Variants in TRIP13 observed in about 807,000 individuals in gnomAD.
TRIP13 encodes the protein pachytene checkpoint protein 2 homolog.
Under a neutral mutation model 54.4 loss-of-function variants are expected in TRIP13, and 25 were observed. The observed-to-expected ratio is 0.46, with a 90% CI of 0.33 to 0.64. The LOEUF (loss-of-function observed/expected upper bound fraction) is 0.64. Ranked by LOEUF, TRIP13 falls within the 30% of genes least tolerant of loss-of-function variation. TRIP13 has a pLI of 0.02. For synonymous variants in TRIP13, 207 were observed against 207.8 expected, an observed-to-expected ratio of 1.00 and a Z score of 0.03; for missense variants, 373 against 534.2, an observed-to-expected ratio of 0.70 and a Z score of 2.97.
chr5:908,137 C>G lies in TRIP13; in HGVS notation c.759+63C>G. 1 of 1,568,336 alleles carries G rather than the reference C, an allele frequency of 6.4e-7. No individual in the cohort carries two copies. The highest frequency in any genetic ancestry group is 8.8e-7 in the Non-Finnish European group (1 of 1,138,822). On this transcript the variant is annotated intron_variant, in intron 8 of 12. Transcript: ENST00000166345. This position sits in a 1 kb window ranked among gnomAD's most constrained non-coding sequence, Gnocchi z 5.2. ...GCCTTTTGCCATTGTGGGGACACAG[C>G]CTACTCCTGATGCTCCTAGCTTTCC...
chr5:907,871 G>T lies in TRIP13; in HGVS notation c.673-117G>T, dbSNP rs974355651. On this transcript the variant is annotated intron_variant, in intron 7 of 12. Transcript: ENST00000166345. This position sits in a 1 kb window ranked among gnomAD's most constrained non-coding sequence, Gnocchi z 4.1. ...GATTTAGGGAGCTTTCTGAGGGGCCGTCAGGAGACAGTGGGCTTGTGGGGA... is the reference window on the plus strand; with the variant it reads ...GATTTAGGGAGCTTTCTGAGGGGCCTTCAGGAGACAGTGGGCTTGTGGGGA... 4 of 1,017,424 alleles carry T rather than the reference G, an allele frequency of 3.9e-6. No homozygotes were observed. In the African/African-American group the frequency reaches 6.3e-5, roughly 16 times the overall value. The allele number at this position is 1,017,424 out of a possible 1,614,324, so 63.0% of individuals were successfully genotyped here.
rs1160231767 is a variant in TRIP13 at position 907,692 on chromosome 5, CAG to C, written c.673-291_673-290del. ...TCTGTGGTCTGCCTCTTTTCCTCAT[CAG>C]AGAGGACACACAGGTAAAGCAGAGG... On this transcript the variant is annotated intron_variant, in intron 7 of 12. Transcript: ENST00000166345. This position sits in a 1 kb window ranked among gnomAD's most constrained non-coding sequence, Gnocchi z 4.1. Among the ~76,000 whole-genome samples the C allele has an allele frequency of 1.3e-5, 2 of 152,230 alleles. No individual in the cohort carries two copies. The highest frequency in any genetic ancestry group is 4.8e-5 in the African/African-American group (2 of 41,454).
At chr5:903,779 AT>A (rs1325509467) in intron 5 of TRIP13, among the ~76,000 whole-genome samples, 1 of 152,162 alleles carries the variant, frequency 6.6e-6, no homozygotes, top group Non-Finnish European at 1.5e-5. Flanking sequence ...TGATGAGTGG[AT>A]TTCATAAAGG....
Position 892,931 on chromosome 5 carries a change from C to T in TRIP13, c.-68C>T. 3 of 1,364,210 alleles carry T rather than the reference C, an allele frequency of 2.2e-6. No homozygotes were observed. Among genetic ancestry groups the T allele is most frequent in the African/African-American group, 1.5e-5 (1 of 65,074 alleles). The allele number at this position is 1,364,210 out of a possible 1,614,324, so 84.5% of individuals were successfully genotyped here. ...CCGCGGGCTGAGGCAGCGGCTGTGGCGGCGACGCTGGGCGTGAGGTGGCGG... is the reference window on the plus strand; with the variant it reads ...CCGCGGGCTGAGGCAGCGGCTGTGGTGGCGACGCTGGGCGTGAGGTGGCGG... On this transcript the variant is annotated 5_prime_UTR_variant, in exon 1 of 13. Transcript: ENST00000166345.
At position 915,982 on chromosome 5, in the gene TRIP13, C is replaced by G; in HGVS notation, c.1203+9C>G. ...ATGCGCTGTATGTCCAGGTGAGTCTCCACTGCTGTCCTCCAGCACCCGCCC... is the reference window on the plus strand; with the variant it reads ...ATGCGCTGTATGTCCAGGTGAGTCTGCACTGCTGTCCTCCAGCACCCGCCC... On this transcript the variant is annotated intron_variant, in intron 12 of 12. Transcript: ENST00000166345. This position sits in a 1 kb window ranked among gnomAD's most constrained non-coding sequence, Gnocchi z 4.2. 1 of 1,613,896 alleles carries G rather than the reference C, an allele frequency of 6.2e-7. No homozygotes were observed. Among genetic ancestry groups the G allele is most frequent in the Non-Finnish European group, 8.5e-7 (1 of 1,179,820 alleles).
intron 9 of TRIP13, among the ~76,000 whole-genome samples, chr5:909,746 T>G (rs899881428): frequency 6.6e-6 from 1 of 152,240 alleles, no homozygotes; most frequent in Non-Finnish European, 1.5e-5. Flanking sequence ...TAACTAAAAG[T>G]ATCCCTTACG....
chr5:907,925 C>T lies in TRIP13; in HGVS notation c.673-63C>T. 6.4e-7 allele frequency: 1 copy of T among 1,552,192 alleles called. No individual in the cohort carries two copies. Among genetic ancestry groups the T allele is most frequent in the South Asian group, 1.1e-5 (1 of 89,582 alleles). On this transcript the variant is annotated intron_variant, in intron 7 of 12. Coordinates refer to ENST00000166345, the MANE Select transcript of TRIP13 (RefSeq NM_004237.4). The surrounding 1 kb of genome is among the most constrained non-coding windows in gnomAD (Gnocchi z 4.1). ...CTGGGGCAGCAGGCCACATCAGGGTCCCCCTGTGCACCTGGCAGTGTGGTC... is the reference window on the plus strand; with the variant it reads ...CTGGGGCAGCAGGCCACATCAGGGTTCCCCTGTGCACCTGGCAGTGTGGTC...
rs968958399 is a variant in TRIP13 at position 907,488 on chromosome 5, G to T, written c.672+295G>T. ...CCATGCATGTCCTTGGTGCTCATGCGCCCTAGCACTGTCTGTGAGTTGAGG... is the reference window on the plus strand; with the variant it reads ...CCATGCATGTCCTTGGTGCTCATGCTCCCTAGCACTGTCTGTGAGTTGAGG... On this transcript the variant is annotated intron_variant, in intron 7 of 12. Coordinates refer to ENST00000166345, the MANE Select transcript of TRIP13 (RefSeq NM_004237.4). This position sits in a 1 kb window ranked among gnomAD's most constrained non-coding sequence, Gnocchi z 4.1. 6.6e-6 allele frequency among the ~76,000 whole-genome samples: 1 copy of T among 152,206 alleles called. No individual in the cohort carries two copies. The highest frequency in any genetic ancestry group is 2.4e-5 in the African/African-American group (1 of 41,450).
chr5:905,551 C>T (rs901766240), intron 6 of TRIP13, among the ~76,000 whole-genome samples: 11 of 152,212 alleles, frequency 7.2e-5, no homozygotes, highest in Non-Finnish European at 1.0e-4. Context: ...GGCTCCCTCC[C>T]GTGCCTGTGG....
At chr5:906,010 G>A (rs1754107226) in intron 6 of TRIP13, among the ~76,000 whole-genome samples, 1 of 152,156 alleles carries the variant, frequency 6.6e-6, no homozygotes, top group Admixed American at 6.5e-5. Flanking sequence ...GAAACCAGGA[G>A]TTTGAGACCA....
Position 907,859 on chromosome 5 carries a change from T to C in TRIP13, c.673-129T>C. On this transcript the variant is annotated intron_variant, in intron 7 of 12. Transcript: ENST00000166345. This position sits in a 1 kb window ranked among gnomAD's most constrained non-coding sequence, Gnocchi z 4.1. ...CCTAGCTTCTCTGATTTAGGGAGCT[T>C]TCTGAGGGGCCGTCAGGAGACAGTG... 1 of 872,028 alleles carries C rather than the reference T, an allele frequency of 1.1e-6. No homozygotes were observed. The highest frequency in any genetic ancestry group is 1.9e-6 in the Non-Finnish European group (1 of 536,204). The allele number at this position is 872,028 out of a possible 1,614,324, so 54.0% of individuals were successfully genotyped here.
chr5:903,343 C>T (rs1314724887), intron 5 of TRIP13, among the ~76,000 whole-genome samples: 1 of 152,106 alleles, frequency 6.6e-6, no homozygotes, highest in Non-Finnish European at 1.5e-5. Flanking sequence ...CTCACTATGT[C>T]CCCTCAGCTC....
intron 5 of TRIP13, among the ~76,000 whole-genome samples, chr5:903,056 C>G (rs1754029072): frequency 2.0e-5 from 3 of 152,156 alleles, no homozygotes; most frequent in Non-Finnish European, 4.4e-5. Flanking sequence ...GGAGACAGGC[C>G]TCTGGATGAC....
At chr5:916,792 C>A (rs1055758128) in intron 12 of TRIP13, among the ~76,000 whole-genome samples, 2 of 127,256 alleles carry the variant, frequency 1.6e-5, no homozygotes, top group African/African-American at 7.3e-5. Flanking sequence ...ATGGCGGGGG[C>A]GGGGGTCACG....
chr5:909,250 C>T (rs1754180958), intron 9 of TRIP13, among the ~76,000 whole-genome samples: 1 of 152,206 alleles, frequency 6.6e-6, no homozygotes, highest in African/African-American at 2.4e-5. Context: ...TAAGGAGCGA[C>T]AGCTGCTGGC....
chr5:914,386 G>T lies in TRIP13; in HGVS notation c.1021-79G>T, dbSNP rs1021448956. 9 of 944,214 alleles carry T rather than the reference G, an allele frequency of 9.5e-6. No individual in the cohort carries two copies. In the African/African-American group the frequency reaches 1.5e-4, roughly 15 times the overall value. The allele number at this position is 944,214 out of a possible 1,614,324, so 58.5% of individuals were successfully genotyped here. On this transcript the variant is annotated intron_variant, in intron 10 of 12. Coordinates refer to ENST00000166345, the MANE Select transcript of TRIP13 (RefSeq NM_004237.4). ...GGCGTGGTTGACATTTGACCTGCAG[G>T]TGCTGTCCCTCTTGCTGACGGTGCC...
chr5:892,969 G>C lies in TRIP13; in HGVS notation c.-30G>C. The C allele has an allele frequency of 2.0e-6, 3 of 1,503,580 alleles. No homozygotes were observed. Among genetic ancestry groups the C allele is most frequent in the Non-Finnish European group, 2.7e-6 (3 of 1,130,404 alleles). 93.1% of individuals were successfully genotyped at this position (1,503,580 alleles called of 1,614,324 possible). ...CGTGAGGTGGCGGCGGCCGCGCCCT[G>C]GTTGGGTCCCCACTGCTCTCGGGGG... On this transcript the variant is annotated 5_prime_UTR_variant, in exon 1 of 13. Transcript: ENST00000166345.
At position 892,940 on chromosome 5, in the gene TRIP13, T is replaced by C; in HGVS notation, c.-59T>C. Reference sequence around the variant, plus strand: ...GAGGCAGCGGCTGTGGCGGCGACGCTGGGCGTGAGGTGGCGGCGGCCGCGC... The same window carrying C: ...GAGGCAGCGGCTGTGGCGGCGACGCCGGGCGTGAGGTGGCGGCGGCCGCGC... On this transcript the variant is annotated 5_prime_UTR_variant, in exon 1 of 13. Transcript: ENST00000166345. 11 of 1,396,488 alleles carry C rather than the reference T, an allele frequency of 7.9e-6. No individual in the cohort carries two copies. Among genetic ancestry groups the C allele is most frequent in the Non-Finnish European group, 1.0e-5 (11 of 1,069,100 alleles). 86.5% of individuals were successfully genotyped at this position (1,396,488 alleles called of 1,614,324 possible).
chr5:904,323 C>T (rs990736747), intron 6 of TRIP13, 103 bp downstream of exon 6: 51 of 916,546 alleles, frequency 5.6e-5, no homozygotes, highest in Non-Finnish European at 8.1e-5. Flanking sequence ...TAATAGATTC[C>T]TCTCCACTGT....
Sources: allele counts gnomAD v4.1 joint callset (sites outside exome capture counted in the v4.1 genomes callset), GRCh38; gene constraint gnomAD v4.1.1; non-coding constraint Gnocchi (gnomAD v3.1); transcripts MANE v1.5; gene names NCBI Gene and HGNC (gene_info 2026-07-23, HGNC 2026-07-21).